Variants in HPSE2 observed in about 807,000 individuals in gnomAD.
The protein encoded by HPSE2 is heparanase 2 (inactive).
In HPSE2, 38 loss-of-function variants were observed where a neutral mutation model predicts 60.5. The observed-to-expected ratio is 0.63, with a 90% confidence interval of 0.48 to 0.82. The LOEUF (loss-of-function observed/expected upper bound fraction) is 0.82. Ranked by LOEUF, HPSE2 falls within the 40% of genes least tolerant of loss-of-function variation. The pLI, the probability that HPSE2 is intolerant of heterozygous loss-of-function variation, is 0.00. For missense variants in HPSE2, 713 were observed against 740.4 expected (o/e 0.96, Z 0.43); for synonymous variants, 295 against 293.2 (o/e 1.01, Z -0.06).
intron 3 of HPSE2, among the ~76,000 whole-genome samples, chr10:99,037,484 A>G (rs900833750): frequency 6.6e-6 from 1 of 152,130 alleles, no homozygotes; most frequent in Non-Finnish European, 1.5e-5. Flanking sequence ...GCATTTAGCT[A>G]TATAGATTAA....
rs1368705090 is a variant in HPSE2, at chr10:98,467,309, A to C, written c.1614-7570T>G. Among the ~76,000 whole-genome samples the C allele has an allele frequency of 5.9e-5, 9 of 152,316 alleles. No individual in the cohort carries two copies. The South Asian group carries it at 8.3e-4, about 14-fold the overall frequency. The stretch of plus-strand genomic sequence containing the variant: ...CCGCCCACTCACACAGGAGGCGTCA[A>C]TAAAAGACACATTGGATATAAACAC... On this transcript the variant is annotated intron_variant, in intron 11 of 11. Transcript: ENST00000370552.
chr10:99,184,436 A>T (rs1847892632), intron 2 of HPSE2, among the ~76,000 whole-genome samples: 1 of 144,738 alleles, frequency 6.9e-6, no homozygotes, highest in South Asian at 2.3e-4. Context: ...GAGGCAGTGG[A>T]ATCGCTTGAA....
chr10:99,057,558 C>A (rs1407781220), intron 3 of HPSE2, among the ~76,000 whole-genome samples: 1 of 152,072 alleles, frequency 6.6e-6, no homozygotes, highest in Non-Finnish European at 1.5e-5. Flanking sequence ...CTGTGGAGAT[C>A]AAAAAATGCC....
At position 98,860,672 on chromosome 10, in the gene HPSE2, T is replaced by C. The variant is rs1185330696; in HGVS notation, c.611-116616A>G. ...CCTAGAAATCTAACACAATCTCAGA[T>C]ATTATGCTATTAACTACTAACCACA... On this transcript the variant is annotated intron_variant, in intron 3 of 11. Coordinates refer to ENST00000370552, the MANE Select transcript of HPSE2 (RefSeq NM_021828.5). 2.0e-5 allele frequency among the ~76,000 whole-genome samples: 3 copies of C among 152,266 alleles called. No individual in the cohort carries two copies. The East Asian group carries it at 5.8e-4, about 29-fold the overall frequency.
intron 3 of HPSE2, among the ~76,000 whole-genome samples, chr10:99,043,075 T>A (rs1957776546): frequency 6.6e-6 from 1 of 152,130 alleles, no homozygotes; most frequent in Non-Finnish European, 1.5e-5. Context: ...ACACCACAGT[T>A]AAAGGGACAC....
chr10:99,199,052 T>C (rs192689463), intron 2 of HPSE2, among the ~76,000 whole-genome samples: 21 of 152,342 alleles, frequency 1.4e-4, no homozygotes, highest in East Asian at 1.2e-3. Context: ...AATATTCCAT[T>C]GTCTTTTTAT....
rs150607824 is a variant in HPSE2 at position 98,772,741 on chromosome 10, T to G, written c.611-28685A>C. Among the ~76,000 whole-genome samples, 466 of 152,284 alleles carry G rather than the reference T, an allele frequency of 3.1e-3. 4 individuals carry two copies. The highest frequency in any genetic ancestry group is 0.011 in the African/African-American group (451 of 41,556). Reference sequence around the variant, plus strand: ...ATTTGATTCACTACAAGAATGGTTATGAAAAATAAGGAGAAAGATTTTATT... The same window carrying G: ...ATTTGATTCACTACAAGAATGGTTAGGAAAAATAAGGAGAAAGATTTTATT... On this transcript the variant is annotated intron_variant, in intron 3 of 11. Coordinates refer to ENST00000370552, the MANE Select transcript of HPSE2 (RefSeq NM_021828.5).
At chr10:99,235,385 C>T in intron 1 of HPSE2, 128 bp downstream of exon 1, 1 of 882,312 alleles carries the variant, frequency 1.1e-6, no homozygotes, top group Non-Finnish European at 1.9e-6. Flanking sequence ...GAAGGAAAAC[C>T]TCTTTTCTTC....
intron 3 of HPSE2, among the ~76,000 whole-genome samples, chr10:99,111,764 AT>A (rs1446389286): frequency 1.3e-5 from 2 of 152,226 alleles, no homozygotes; most frequent in African/African-American, 4.8e-5. Context: ...TCCAAAACAG[AT>A]GCTAACCAGA....
chr10:98,524,602 C>G (rs1942904883), intron 9 of HPSE2, among the ~76,000 whole-genome samples: 1 of 152,178 alleles, frequency 6.6e-6, no homozygotes, highest in Non-Finnish European at 1.5e-5. Flanking sequence ...AAAGATAAGG[C>G]AACTAGTTGT....
intron 7 of HPSE2, among the ~76,000 whole-genome samples, chr10:98,640,728 A>G (rs910688395): frequency 1.3e-5 from 2 of 152,164 alleles, no homozygotes; most frequent in Admixed American, 1.3e-4. Flanking sequence ...TCCCTGGAAA[A>G]GAACCTTAAC....
intron 5 of HPSE2, among the ~76,000 whole-genome samples, chr10:98,694,500 T>C (rs1948160374): frequency 6.6e-6 from 1 of 152,140 alleles, no homozygotes; most frequent in Non-Finnish European, 1.5e-5. Flanking sequence ...CAAAGAGAAA[T>C]CTATCATCTA....
chr10:98,943,361 T>A (rs1036976535), intron 3 of HPSE2, among the ~76,000 whole-genome samples: 2 of 151,986 alleles, frequency 1.3e-5, no homozygotes, highest in African/African-American at 4.8e-5. Context: ...TTATTTTGAT[T>A]TTTAGAGTAC....
chr10:99,309,603 T>C, the HPSE2 span, among the ~76,000 whole-genome samples: 1 of 152,240 alleles, frequency 6.6e-6, no homozygotes, highest in Non-Finnish European at 1.5e-5. Flanking sequence ...GAAGTTTTAT[T>C]GAACACAGCC....
chr10:98,524,790 A>G (rs1005907811), intron 9 of HPSE2, among the ~76,000 whole-genome samples: 1 of 152,256 alleles, frequency 6.6e-6, no homozygotes, highest in Non-Finnish European at 1.5e-5. Flanking sequence ...ACAAGTTTAC[A>G]TAATTTTGGT....
intron 9 of HPSE2, among the ~76,000 whole-genome samples, chr10:98,543,655 CA>C (rs1005312489): frequency 1.3e-5 from 2 of 151,188 alleles, no homozygotes; most frequent in Admixed American, 1.3e-4. Flanking sequence ...AAATGGAAAA[CA>C]AAAAAAGGCA....
intron 3 of HPSE2, among the ~76,000 whole-genome samples, chr10:98,899,034 A>G (rs1394387181): frequency 6.6e-6 from 1 of 152,254 alleles, no homozygotes; most frequent in Non-Finnish European, 1.5e-5. Context: ...CCAAAAGTAT[A>G]CAAAAACTAC....
intron 6 of HPSE2, among the ~76,000 whole-genome samples, chr10:98,659,569 T>C (rs1947169299): frequency 6.6e-6 from 1 of 152,254 alleles, no homozygotes; most frequent in Admixed American, 6.5e-5. Context: ...CATCTGTTGA[T>C]GGACATTTGG....
At chr10:98,714,675 T>C (rs562146857) in intron 5 of HPSE2, among the ~76,000 whole-genome samples, 1 of 152,046 alleles carries the variant, frequency 6.6e-6, no homozygotes, top group Admixed American at 6.6e-5. Flanking sequence ...TACAAGTTTT[T>C]GTGTGGATAT....
Sources: allele counts gnomAD v4.1 joint callset (sites outside exome capture counted in the v4.1 genomes callset), GRCh38; gene constraint gnomAD v4.1.1; transcripts MANE v1.5; gene names NCBI Gene and HGNC (gene_info 2026-07-23, HGNC 2026-07-21).